RCL1: variants seen among roughly 807,000 people sequenced by gnomAD.
The protein encoded by RCL1 is RNA 3'-terminal phosphate cyclase-like protein.
Under a neutral mutation model 42.4 loss-of-function variants are expected in RCL1, and 24 were observed. The observed-to-expected ratio is 0.57, with a 90% confidence interval of 0.41 to 0.80. The LOEUF is 0.80. Ranked by LOEUF, RCL1 falls within the 30% of genes least tolerant of loss-of-function variation. RCL1 has a pLI of 0.00. For synonymous variants in RCL1, 228 were observed against 177.3 expected, an observed-to-expected ratio of 1.29 and a Z score of -2.27; for missense variants, 578 against 467.9, an observed-to-expected ratio of 1.24 and a Z score of -2.17.
chr9:4,820,083 C>G (rs1212733883), intron 1 of RCL1, among the ~76,000 whole-genome samples: 1 of 152,200 alleles, frequency 6.6e-6, no homozygotes, highest in Non-Finnish European at 1.5e-5. Flanking sequence ...ATAGCATTGA[C>G]TTTGATTCTC....
chr9:4,843,560 A>G (rs189855358), intron 6 of RCL1, among the ~76,000 whole-genome samples: 14 of 152,354 alleles, frequency 9.2e-5, no homozygotes, highest in Admixed American at 5.9e-4. Flanking sequence ...AGTAATTTAC[A>G]TAGAACCTAA....
At chr9:4,841,658 A>G (rs188217927) in intron 6 of RCL1, among the ~76,000 whole-genome samples, 140 of 152,352 alleles carry the variant, frequency 9.2e-4, no homozygotes, top group African/African-American at 3.3e-3. Context: ...CTCTGTTCCA[A>G]CAAAAAAATT....
chr9:4,808,859 G>A (rs1270464895), intron 1 of RCL1, among the ~76,000 whole-genome samples: 1 of 152,124 alleles, frequency 6.6e-6, no homozygotes, highest in African/African-American at 2.4e-5. Context: ...AGAAGTTTTT[G>A]ATTTCATTTT....
At chr9:4,807,681 G>C (rs1390332670) in intron 1 of RCL1, among the ~76,000 whole-genome samples, 1 of 152,022 alleles carries the variant, frequency 6.6e-6, no homozygotes, top group Non-Finnish European at 1.5e-5. Flanking sequence ...AAACACACCT[G>C]GCTAATTTTG....
intron 1 of RCL1, among the ~76,000 whole-genome samples, chr9:4,818,424 A>G (rs1387503672): frequency 1.3e-5 from 2 of 152,236 alleles, no homozygotes; most frequent in Non-Finnish European, 2.9e-5. Context: ...CACATATAGA[A>G]ATAAATAAAC....
rs71326137 is a variant in RCL1, at chr9:4,806,587, TACACACACACAC to T, written c.136+13396_136+13407del. 9.5e-3 allele frequency among the ~76,000 whole-genome samples: 1,288 copies of T among 135,758 alleles called. 23 individuals are homozygous for T. The highest frequency in any genetic ancestry group is 0.034 in the African/African-American group (1,210 of 35,386). 89.1% of individuals were successfully genotyped at this position (135,758 alleles called of 152,430 possible). ...TTCCTGGAATAGATTCTACTTGATC[TACACACACACAC>T]ACACACACACACACACACACACACA... On this transcript the variant is annotated intron_variant, in intron 1 of 8. Transcript: ENST00000381750.
chr9:4,833,893 G>T (rs548359187), intron 4 of RCL1, among the ~76,000 whole-genome samples: 1 of 152,216 alleles, frequency 6.6e-6, no homozygotes, highest in Non-Finnish European at 1.5e-5. Context: ...GAAGTGACCT[G>T]TTCAGGGTTA....
At chr9:4,840,740 A>G (rs193153258) in intron 5 of RCL1, among the ~76,000 whole-genome samples, 1,940 of 152,286 alleles carry the variant, frequency 0.013, 40 homozygotes, top group African/African-American at 0.044. Context: ...TGCTTCTCCC[A>G]TCAGCATACC....
chr9:4,827,761 C>CGT (rs59604765), intron 3 of RCL1, among the ~76,000 whole-genome samples: 38,951 of 147,316 alleles, frequency 0.26, 5,331 homozygotes, highest in South Asian at 0.35. Context: ...TGTGTGCACG[C>CGT]GTGTGTGTGT....
chr9:4,834,299 T>G (rs2296769), intron 5 of RCL1, 34 bp downstream of exon 5: 400,875 of 1,562,156 alleles, frequency 0.26, 52,842 homozygotes, highest in South Asian at 0.37. Flanking sequence ...TTCTTTTTTT[T>G]TTGTTGTTGT....
chr9:4,813,765 A>G (rs900493712), intron 1 of RCL1, among the ~76,000 whole-genome samples: 11 of 152,226 alleles, frequency 7.2e-5, no homozygotes, highest in Admixed American at 2.6e-4. Context: ...ACTATTCACA[A>G]TAGGAAAGAC....
chr9:4,829,794 G>A (rs1209910059), intron 3 of RCL1, among the ~76,000 whole-genome samples: 1 of 152,168 alleles, frequency 6.6e-6, no homozygotes, highest in Non-Finnish European at 1.5e-5. Flanking sequence ...CATTATGATA[G>A]GGCAGTGTGA....
At chr9:4,808,030 G>A (rs1021205862) in intron 1 of RCL1, among the ~76,000 whole-genome samples, 43 of 151,984 alleles carry the variant, frequency 2.8e-4, no homozygotes, top group Admixed American at 1.2e-3. Context: ...TTCTTCTCTT[G>A]TTGGGTGGAG....
At chr9:4,828,453 T>C (rs559252554) in intron 3 of RCL1, among the ~76,000 whole-genome samples, 3 of 152,218 alleles carry the variant, frequency 2.0e-5, no homozygotes, top group African/African-American at 7.2e-5. Context: ...CTGCATAAAC[T>C]CTTTTCCCTG....
intron 7 of RCL1, among the ~76,000 whole-genome samples, chr9:4,848,366 A>G (rs1021903876): frequency 1.3e-5 from 2 of 152,210 alleles, no homozygotes; most frequent in African/African-American, 4.8e-5. Context: ...TATTAGGGCT[A>G]CTAAATGATA....
intron 5 of RCL1, among the ~76,000 whole-genome samples, chr9:4,837,589 A>G (rs545469041): frequency 4.7e-4 from 71 of 152,340 alleles, no homozygotes; most frequent in African/African-American, 1.6e-3. Context: ...TGTCATAACA[A>G]CATGGGTTTC....
At chr9:4,830,622 G>A (rs542587858) in intron 3 of RCL1, among the ~76,000 whole-genome samples, 1 of 152,274 alleles carries the variant, frequency 6.6e-6, no homozygotes, top group Admixed American at 6.5e-5. Flanking sequence ...TTCTTTTCCA[G>A]TTCCCTCTTA....
At chr9:4,823,503 G>C (rs953091550) in intron 1 of RCL1, 45 bp from the exon 2 acceptor site, 1 of 1,461,898 alleles carries the variant, frequency 6.8e-7, no homozygotes, top group Non-Finnish European at 9.5e-7. Flanking sequence ...CTGACATGAG[G>C]ACAGTCTGTC....
chr9:4,854,126 A>G (rs990893943), intron 8 of RCL1, among the ~76,000 whole-genome samples: 11 of 152,178 alleles, frequency 7.2e-5, no homozygotes, highest in African/African-American at 2.4e-4. Context: ...GGTAAAAGCA[A>G]GTGATAGCCT....
Sources: allele counts gnomAD v4.1 joint callset (sites outside exome capture counted in the v4.1 genomes callset), GRCh38; gene constraint gnomAD v4.1.1; transcripts MANE v1.5; gene names NCBI Gene and HGNC (gene_info 2026-07-23, HGNC 2026-07-21).